Variants in KIF1B observed in about 807,000 individuals in gnomAD.
KIF1B encodes kinesin-like protein KIF1B.
Under a neutral mutation model 241.9 loss-of-function variants are expected in KIF1B, and 76 were observed. That is an observed-to-expected ratio of 0.31 (90% confidence interval 0.26 to 0.38). The LOEUF (loss-of-function observed/expected upper bound fraction) is 0.38, where lower values mean the gene tolerates loss of function less well. Among genes scored for constraint, KIF1B ranks in the 10% least tolerant of loss-of-function variants. The pLI is 1.00. For missense variants in KIF1B, 1,622 were observed against 2,271.4 expected (o/e 0.71, Z 5.81); for synonymous variants, 750 against 796.7 (o/e 0.94, Z 0.99).
At chr1:10,260,680 C>T (rs1299935359) in intron 4 of KIF1B, among the ~76,000 whole-genome samples, 3 of 152,116 alleles carry the variant, frequency 2.0e-5, no homozygotes, top group South Asian at 2.1e-4. Context: ...GCCTGACCAA[C>T]ATGGTGAAAC....
chr1:10,315,074 A>G (rs1441697949), intron 22 of KIF1B, among the ~76,000 whole-genome samples: 1 of 150,818 alleles, frequency 6.6e-6, no homozygotes. Flanking sequence ...TTGTATACCC[A>G]TACTTATATA....
At position 10,303,852 on chromosome 1, in the gene KIF1B, T is replaced by C. The variant is rs750008524; in HGVS notation, c.2115+6606T>C. The C allele has an allele frequency of 3.7e-6, 6 of 1,614,142 alleles. No individual in the cohort carries two copies. Among genetic ancestry groups the C allele is most frequent in the East Asian group, 2.2e-5 (1 of 44,888 alleles). On this transcript the variant is annotated intron_variant, in intron 22 of 48. Coordinates refer to ENST00000676179, the MANE Select transcript of KIF1B (RefSeq NM_001365951.3). The surrounding 1 kb of genome is among the most constrained non-coding windows in gnomAD (Gnocchi z 5.2). ...GTGTTAGTAGCACCTCTGAGAATAATGTAAGTAAAGGAGACAATGGAGAAC... is the reference window on the plus strand; with the variant it reads ...GTGTTAGTAGCACCTCTGAGAATAACGTAAGTAAAGGAGACAATGGAGAAC...
chr1:10,357,246 T>G (rs1486915164), intron 38 of KIF1B, among the ~76,000 whole-genome samples: 4 of 152,330 alleles, frequency 2.6e-5, no homozygotes, highest in Admixed American at 2.0e-4. Flanking sequence ...AGCAGTCACC[T>G]TGAAACCTGT....
intron 27 of KIF1B, among the ~76,000 whole-genome samples, chr1:10,332,572 G>A (rs1389109131): frequency 2.4e-5 from 3 of 124,256 alleles, no homozygotes; most frequent in South Asian, 5.6e-4. Flanking sequence ...CTGGAGTGCA[G>A]TGGCGCGATC....
chr1:10,339,860 G>A lies in KIF1B; in HGVS notation c.3513+1G>A. The A allele has an allele frequency of 1.2e-6, 2 of 1,613,134 alleles. No homozygotes were observed. Among genetic ancestry groups the A allele is most frequent in the Non-Finnish European group, 1.7e-6 (2 of 1,179,140 alleles). On this transcript the variant is annotated splice_donor_variant, in intron 32 of 48. Transcript: ENST00000676179. LOFTEE classifies it high-confidence loss of function. ...CCTGGCCTTTTATCATGTGCAGAAT[G>A]TAAGTGACATGGACCTTTTTGCCAA...
intron 27 of KIF1B, 40 bp from the exon 28 acceptor site, chr1:10,334,480 A>G (rs771408673): frequency 1.4e-6 from 2 of 1,430,196 alleles, no homozygotes; most frequent in South Asian, 1.1e-5. Context: ...TTATCTCTCC[A>G]TGGATGTTCT....
At chr1:10,224,834 T>C (rs2102111437) in intron 1 of KIF1B, among the ~76,000 whole-genome samples, 1 of 152,296 alleles carries the variant, frequency 6.6e-6, no homozygotes, top group African/African-American at 2.4e-5. Context: ...CATCCTGTGT[T>C]GTAGGGCAGC....
At chr1:10,358,197 A>G (rs183976487) in intron 38 of KIF1B, among the ~76,000 whole-genome samples, 20 of 152,156 alleles carry the variant, frequency 1.3e-4, no homozygotes, top group South Asian at 4.1e-4. Flanking sequence ...AGTGGAGTCA[A>G]AATTTCCTTT....
At chr1:10,287,339 G>A (rs1355041226) in intron 15 of KIF1B, among the ~76,000 whole-genome samples, 2 of 152,140 alleles carry the variant, frequency 1.3e-5, no homozygotes, top group African/African-American at 4.8e-5. Flanking sequence ...TGGGACTACA[G>A]GTGCGTGCCA....
chr1:10,304,422 C>T (rs778420154), intron 22 of KIF1B: 7 of 1,613,712 alleles, frequency 4.3e-6, no homozygotes, highest in Non-Finnish European at 5.1e-6. Flanking sequence ...ACAGTGGTCA[C>T]CCCACTGCTG....
intron 22 of KIF1B, chr1:10,298,998 GGAAC>G (rs958843996): frequency 3.3e-5 from 5 of 150,472 alleles, no homozygotes; most frequent in Non-Finnish European, 7.4e-5. Context: ...TACTAAAATT[GGAAC>G]GATACAGAGA....
At chr1:10,316,760 C>T (rs1046752237) in intron 22 of KIF1B, among the ~76,000 whole-genome samples, 3 of 151,642 alleles carry the variant, frequency 2.0e-5, no homozygotes, top group African/African-American at 7.3e-5. Context: ...CCTCAGCCTC[C>T]CAAAGTGCTG....
In KIF1B at chr1:10,368,512, G is replaced by A. The variant is rs77172218; in HGVS notation, c.4798G>A (p.Val1600Met). ...THTFNREFSQ[V>M]HGSVSDCKLS... Reference sequence around the variant, plus strand: ...CACTTTCAACAGAGAATTCAGCCAGGTGCACGGCAGCGTCAGTGACTGTAA... The same window carrying A: ...CACTTTCAACAGAGAATTCAGCCAGATGCACGGCAGCGTCAGTGACTGTAA... The change falls in exon 44 of 49, where the codon GTG becomes ATG. Residue 1600 changes from valine to methionine, a missense_variant. Val to Met is a conservative substitution (Grantham distance 21). Transcript: ENST00000676179. 22,916 of 1,613,930 alleles carry A rather than the reference G, an allele frequency of 0.014. 177 individuals carry two copies. Among genetic ancestry groups the A allele is most frequent in the Non-Finnish European group, 0.017 (20,494 of 1,179,838 alleles).
chr1:10,336,401 C>A (rs1419502210), intron 28 of KIF1B, among the ~76,000 whole-genome samples: 3 of 152,224 alleles, frequency 2.0e-5, no homozygotes, highest in Non-Finnish European at 4.4e-5. Flanking sequence ...CCCACCTCAG[C>A]CCCTCAAAGT....
chr1:10,347,115 AAC>A (rs1306249194), intron 35 of KIF1B, among the ~76,000 whole-genome samples: 1 of 152,214 alleles, frequency 6.6e-6, no homozygotes, highest in Non-Finnish European at 1.5e-5. Context: ...CTTTTGTAAA[AAC>A]ACAAATGAAA....
chr1:10,294,208 A>G (rs1431509014), intron 17 of KIF1B, among the ~76,000 whole-genome samples: 1 of 152,218 alleles, frequency 6.6e-6, no homozygotes, highest in East Asian at 1.9e-4. Flanking sequence ...TTTTCACTAA[A>G]GAAGGTTGGT....
chr1:10,347,859 G>C (rs1652642670), intron 36 of KIF1B, 32 bp downstream of exon 36: 3 of 1,526,566 alleles, frequency 2.0e-6, no homozygotes, highest in Non-Finnish European at 2.7e-6. Flanking sequence ...AGGCATCGGA[G>C]GGAACACTGA....
At chr1:10,248,670 C>T (rs1035928166) in intron 2 of KIF1B, among the ~76,000 whole-genome samples, 6 of 152,154 alleles carry the variant, frequency 3.9e-5, no homozygotes, top group African/African-American at 1.4e-4. Flanking sequence ...TTGATGTGTT[C>T]TGTCATCTGG....
chr1:10,253,796 C>T (rs533250466), intron 2 of KIF1B, among the ~76,000 whole-genome samples: 8 of 152,224 alleles, frequency 5.3e-5, no homozygotes, highest in African/African-American at 1.9e-4. Flanking sequence ...AGAGATGTTC[C>T]TTCTAGAACC....
Sources: allele counts gnomAD v4.1 joint callset (sites outside exome capture counted in the v4.1 genomes callset), GRCh38; gene constraint gnomAD v4.1.1; non-coding constraint Gnocchi (gnomAD v3.1); transcripts MANE v1.5; gene names NCBI Gene and HGNC (gene_info 2026-07-23, HGNC 2026-07-21).